The following SLC6A3 variants were observed in gnomAD, a reference collection of about 807,000 sequenced individuals.
SLC6A3 encodes sodium-dependent dopamine transporter.
SLC6A3 carries 19 observed loss-of-function variants against 70.4 expected under a neutral mutation model. The ratio of observed to expected loss-of-function variants is 0.27; its 90% CI spans 0.19 to 0.40. The LOEUF is 0.40. SLC6A3 is among the 10% of genes least tolerant of loss of function. SLC6A3 has a pLI of 1.00. For missense variants in SLC6A3, 613 were observed against 838.5 expected, an observed-to-expected ratio of 0.73 and a Z score of 3.32; for synonymous variants, 368 against 356.6, an observed-to-expected ratio of 1.03 and a Z score of -0.36.
Position 1,442,912 on chromosome 5 carries a change from C to T in SLC6A3, c.286G>A (p.Gly96Ser). 3.7e-6 allele frequency: 6 copies of T among 1,614,130 alleles called. No homozygotes were observed. Among genetic ancestry groups the T allele is most frequent in the East Asian group, 2.2e-5 (1 of 44,886 alleles). ...TCAGGGAGGCTGAGATGGGACTTAC[C>T]GCCACCATTTTTGTAGCACAGGTAG... is the stretch of plus-strand genomic sequence containing the variant. ...FPYLCYKNGG[G>S]AFLVPYLLFM... is the part of the protein sequence containing the mutation. Residue 96 changes from glycine to serine, a missense_variant and splice_region_variant, in exon 2 of 15, where the codon GGT becomes AGT. Around this residue, in one of 4 missense-constraint regions of SLC6A3, gnomAD observed 153 missense variants for 249.4 expected, o/e 0.61. Coordinates refer to ENST00000270349, the MANE Select transcript of SLC6A3 (RefSeq NM_001044.5). The surrounding 1 kb of genome is among the most constrained non-coding windows in gnomAD (Gnocchi z 5.0).
chr5:1,423,204 ATGGTGCTGGGTACC>A (rs1756498242), intron 4 of SLC6A3, among the ~76,000 whole-genome samples: 1 of 55,228 alleles, frequency 1.8e-5, no homozygotes, highest in Admixed American at 2.3e-4. Context: ...AGTGCTGCCC[ATGGTGCTGGGTACC>A]CACCGCTGCC....
rs190584163 is a variant in SLC6A3, at chr5:1,410,822, G to A, written c.1269+421C>T. 1.3e-3 allele frequency among the ~76,000 whole-genome samples: 199 copies of A among 152,076 alleles called. 1 individual carries two copies. Among genetic ancestry groups the A allele is most frequent in the African/African-American group, 4.3e-3 (178 of 41,450 alleles). Reference sequence around the variant, plus strand: ...TCTGTGTGTATGTGTGTGTGCATGCGTGTGTGCATGTGTGTGTTCGTGTGT... The same window carrying A: ...TCTGTGTGTATGTGTGTGTGCATGCATGTGTGCATGTGTGTGTTCGTGTGT... On this transcript the variant is annotated intron_variant, in intron 9 of 14. Transcript: ENST00000270349.
At chr5:1,407,381 G>A (rs1273546825) in intron 11 of SLC6A3, among the ~76,000 whole-genome samples, 4 of 152,168 alleles carry the variant, frequency 2.6e-5, no homozygotes, top group African/African-American at 9.6e-5. Context: ...GCCGGAAGAA[G>A]CCAAGAGGGG....
At position 1,442,009 on chromosome 5, in the gene SLC6A3, G is replaced by C. The variant is rs1490010671; in HGVS notation, c.287-519C>G. Among the ~76,000 whole-genome samples, 1 of 152,128 alleles carries C rather than the reference G, an allele frequency of 6.6e-6. No homozygotes were observed. Among genetic ancestry groups the C allele is most frequent in the Admixed American group, 6.5e-5 (1 of 15,276 alleles). ...GCCCCAGGTGCTGGGAGCCCCTCCA[G>C]GGTAAGGCCTAGTTCCTCTGAAACC... On this transcript the variant is annotated intron_variant, in intron 2 of 14. Coordinates refer to ENST00000270349, the MANE Select transcript of SLC6A3 (RefSeq NM_001044.5). This position sits in a 1 kb window ranked among gnomAD's most constrained non-coding sequence, Gnocchi z 5.0.
At position 1,443,192 on chromosome 5, in the gene SLC6A3, A is replaced by T. The variant is rs748147058; in HGVS notation, c.6T>A (p.Ser2Arg). Residue 2 changes from serine to arginine, a missense_variant, in exon 2 of 15, where the codon AGT becomes AGA. Physicochemically the swap from Ser to Arg is moderately radical, Grantham distance 110. Transcript: ENST00000270349. Reference protein sequence around the residue: MSKSKCSVGLMS... With the variant: MRKSKCSVGLMS... ...TGAGTCCCACGGAGCATTTGCTCTT[A>T]CTCATGGGCACACTGGGAGTTGAGG... The T allele has an allele frequency of 1.2e-6, 2 of 1,614,084 alleles. No individual in the cohort carries two copies. Among genetic ancestry groups the T allele is most frequent in the African/African-American group, 1.3e-5 (1 of 74,934 alleles).
intron 4 of SLC6A3, among the ~76,000 whole-genome samples, chr5:1,423,157 C>G (rs1756495058): frequency 9.2e-6 from 1 of 108,396 alleles, no homozygotes; most frequent in Non-Finnish European, 1.9e-5. Flanking sequence ...CCGCTGCCCA[C>G]AGTGCTGCCC....
At chr5:1,425,281 G>A in intron 4 of SLC6A3, among the ~76,000 whole-genome samples, 1 of 152,226 alleles carries the variant, frequency 6.6e-6, no homozygotes, top group East Asian at 1.9e-4. Flanking sequence ...TTTACCAAGA[G>A]GGAGCCAAGG....
intron 4 of SLC6A3, among the ~76,000 whole-genome samples, chr5:1,430,392 T>G (rs1756667658): frequency 6.6e-6 from 1 of 152,186 alleles, no homozygotes; most frequent in African/African-American, 2.4e-5. Context: ...CCCCGGCTCC[T>G]CACCTCCAAG....
In SLC6A3 at chr5:1,421,854, A is replaced by C. The variant is rs1271181202; in HGVS notation, c.792+22T>G. 1 of 1,612,472 alleles carries C rather than the reference A, an allele frequency of 6.2e-7. No homozygotes were observed. Among genetic ancestry groups the C allele is most frequent in the Non-Finnish European group, 8.5e-7 (1 of 1,179,722 alleles). ...TGGTGGCCCCATGTCTACAGGCCCA[A>C]TTGGTGACCCCCGAGCCTCACCTTC... is the stretch of plus-strand genomic sequence containing the variant. On this transcript the variant is annotated intron_variant, in intron 5 of 14. Coordinates refer to ENST00000270349, the MANE Select transcript of SLC6A3 (RefSeq NM_001044.5). This position sits in a 1 kb window ranked among gnomAD's most constrained non-coding sequence, Gnocchi z 7.2.
At chr5:1,407,059 AT>A in intron 11 of SLC6A3, among the ~76,000 whole-genome samples, 1 of 152,180 alleles carries the variant, frequency 6.6e-6, no homozygotes, top group East Asian at 1.9e-4. Flanking sequence ...CATAATAAAC[AT>A]TTTTTCTCCC....
At chr5:1,407,327 A>G (rs894925418) in intron 11 of SLC6A3, among the ~76,000 whole-genome samples, 15 of 152,306 alleles carry the variant, frequency 9.8e-5, no homozygotes, top group Admixed American at 7.8e-4. Flanking sequence ...AGCTCTGAAC[A>G]TGAGAGATGG....
intron 3 of SLC6A3, among the ~76,000 whole-genome samples, chr5:1,435,192 C>T (rs946356667): frequency 6.6e-6 from 1 of 152,218 alleles, no homozygotes; most frequent in Non-Finnish European, 1.5e-5. Context: ...TGTCCGGAGT[C>T]CCTTAGGAGA....
chr5:1,398,842 G>T (rs1040615714), intron 14 of SLC6A3, among the ~76,000 whole-genome samples: 1 of 152,208 alleles, frequency 6.6e-6, no homozygotes, highest in South Asian at 2.1e-4. Context: ...AGACTACAGA[G>T]AGCAAAACCT....
intron 4 of SLC6A3, among the ~76,000 whole-genome samples, chr5:1,431,293 G>A (rs947240043): frequency 1.5e-4 from 23 of 152,250 alleles, no homozygotes; most frequent in African/African-American, 4.1e-4. Context: ...GCCAGCAGGA[G>A]CTGGCACGGG....
chr5:1,399,502 C>G (rs1358803771), intron 14 of SLC6A3, among the ~76,000 whole-genome samples: 4 of 152,186 alleles, frequency 2.6e-5, no homozygotes, highest in African/African-American at 9.7e-5. Context: ...ACAGGAAGCA[C>G]AGCAAGAATC....
chr5:1,430,925 A>C (rs931693509), intron 4 of SLC6A3, among the ~76,000 whole-genome samples: 2 of 152,240 alleles, frequency 1.3e-5, no homozygotes, highest in Non-Finnish European at 2.9e-5. Context: ...CTTACTGGTC[A>C]AAGTTCCTTT....
rs901703606 is a variant in SLC6A3 at position 1,409,208 on chromosome 5, A to G, written c.1399-83T>C. On this transcript the variant is annotated intron_variant, in intron 10 of 14. Transcript: ENST00000270349. The stretch of plus-strand genomic sequence containing the variant: ...GCCTGGGGATTCACTGTGCACACAA[A>G]TTGTTTCACTCACTGCAAAACTCTG... The G allele has an allele frequency of 1.2e-5, 12 of 1,012,672 alleles. No individual in the cohort carries two copies. In the Admixed American group the frequency reaches 2.4e-4, roughly 20 times the overall value. 62.7% of individuals were successfully genotyped at this position (1,012,672 alleles called of 1,614,324 possible).
rs924748929 is a variant in SLC6A3 at position 1,394,977 on chromosome 5, T to C, written c.1840-219A>G. On this transcript the variant is annotated intron_variant, in intron 14 of 14. Coordinates refer to ENST00000270349, the MANE Select transcript of SLC6A3 (RefSeq NM_001044.5). The surrounding 1 kb of genome is among the most constrained non-coding windows in gnomAD (Gnocchi z 4.7). ...CACTCAAACTCCTACAAATCAATCA[T>C]TACTTGATTTTTTAAAAAGCCGCGA... Among the ~76,000 whole-genome samples the C allele has an allele frequency of 2.0e-5, 3 of 152,164 alleles. No homozygotes were observed. Among genetic ancestry groups the C allele is most frequent in the African/African-American group, 7.2e-5 (3 of 41,436 alleles).
chr5:1,399,409 TA>T (rs1755793216), intron 14 of SLC6A3, among the ~76,000 whole-genome samples: 1 of 151,972 alleles, frequency 6.6e-6, no homozygotes, highest in African/African-American at 2.4e-5. Context: ...AAGTCCAAAT[TA>T]AAAAGTTAGC....
Sources: allele counts gnomAD v4.1 joint callset (sites outside exome capture counted in the v4.1 genomes callset), GRCh38; gene constraint gnomAD v4.1.1; regional missense constraint gnomAD v4.1.1; non-coding constraint Gnocchi (gnomAD v3.1); transcripts MANE v1.5; gene names NCBI Gene and HGNC (gene_info 2026-07-23, HGNC 2026-07-21).